Variants in C1QTNF6 observed in about 807,000 individuals in gnomAD.
The protein encoded by C1QTNF6 is C1q and TNF related 6, also known as complement C1q tumor necrosis factor-related protein 6.
In C1QTNF6, 17 loss-of-function variants were observed where a neutral mutation model predicts 20.7. That is an observed-to-expected ratio of 0.82 (90% CI 0.56 to 1.23). C1QTNF6 has a LOEUF of 1.23. C1QTNF6 is among the 50% of genes most tolerant of loss of function. C1QTNF6 has a pLI of 0.00. For missense variants in C1QTNF6, 329 were observed against 389.7 expected (o/e 0.84, Z 1.31); for synonymous variants, 130 against 156.3 (o/e 0.83, Z 1.25).
Position 37,188,247 on chromosome 22 carries a change from T to C in C1QTNF6, c.-34A>G, listed in dbSNP as rs200211481. The C allele has an allele frequency of 1.8e-4, 272 of 1,547,574 alleles. No individual in the cohort carries two copies. The highest frequency in any genetic ancestry group is 2.2e-4 in the Non-Finnish European group (256 of 1,143,350). ...GCTCCTTGGCCCATGTCTGCAATAC[T>C]AACTTGTTGCTGGCCCAGACCCCCA... On this transcript the variant is annotated 5_prime_UTR_variant, in exon 1 of 3. Transcript: ENST00000337843.
chr22:37,188,267 C>T, upstream of C1QTNF6: 1 of 1,454,472 alleles, frequency 6.9e-7, no homozygotes, highest in Non-Finnish European at 9.4e-7. Context: ...CTGGCCCAGA[C>T]CCCCAGGCCC....
Position 37,180,624 on chromosome 22 carries a change from C to T in C1QTNF6, c.*1564G>A, listed in dbSNP as rs1034584354. ...GGCTCTGAGACGAGGAGCTGCCCAC[C>T]CGGGCCTTAGCACCTTGATAAAGCC... On this transcript the variant is annotated 3_prime_UTR_variant, in exon 3 of 3. Transcript: ENST00000337843. 6.6e-6 allele frequency: 1 copy of T among 152,564 alleles called. No individual in the cohort carries two copies. Among genetic ancestry groups the T allele is most frequent in the South Asian group, 2.1e-4 (1 of 4,844 alleles). The allele number at this position is 152,564 out of a possible 1,614,324, so 9.5% of individuals were successfully genotyped here. A position where few individuals can be genotyped will look rare whatever the true frequency, so the allele number is the denominator to read the frequency against.
Position 37,181,143 on chromosome 22 carries a change from T to C in C1QTNF6, c.*1045A>G, listed in dbSNP as rs932128413. 3.9e-5 allele frequency: 6 copies of C among 152,344 alleles called. No individual in the cohort carries two copies. Among genetic ancestry groups the C allele is most frequent in the Non-Finnish European group, 7.3e-5 (5 of 68,156 alleles). The allele number at this position is 152,344 out of a possible 1,614,324, so 9.4% of individuals were successfully genotyped here. On this transcript the variant is annotated 3_prime_UTR_variant, in exon 3 of 3. Coordinates refer to ENST00000337843, the MANE Select transcript of C1QTNF6 (RefSeq NM_031910.4). ...CCAGAACACAGGCCCCCATGAGCTC[T>C]GGGTCTGCTTTAAAACCTATGTACA...
chr22:37,188,309 G>GAGAGAGGAGGGGATTGAGGT, upstream of C1QTNF6: 1 of 1,137,470 alleles, frequency 8.8e-7, no homozygotes, highest in Non-Finnish European at 1.2e-6. Flanking sequence ...GGGATGGAGG[G>GAGAGAGGAGGGGATTGAGGT]AGAGAGGGCG....
At chr22:37,183,646 G>T (rs61621367) in intron 2 of C1QTNF6, among the ~76,000 whole-genome samples, 126 of 152,244 alleles carry the variant, frequency 8.3e-4, no homozygotes, top group Non-Finnish European at 1.5e-3. Context: ...TTCCACAGGG[G>T]GGGAAGGGGA....
chr22:37,182,171 G>T lies in C1QTNF6; in HGVS notation c.*17C>A. The T allele has an allele frequency of 1.3e-6, 2 of 1,596,386 alleles. No homozygotes were observed. The highest frequency in any genetic ancestry group is 8.5e-7 in the Non-Finnish European group (1 of 1,169,854). On this transcript the variant is annotated 3_prime_UTR_variant, in exon 3 of 3. Transcript: ENST00000337843. The stretch of plus-strand genomic sequence containing the variant: ...CAGCACCTGAGCTCTCCAGCCGGGA[G>T]GGTGGCCCAGAGGCCCTCAGTCGTC...
At chr22:37,186,463 G>T (rs1181963914) in intron 1 of C1QTNF6, among the ~76,000 whole-genome samples, 1 of 152,230 alleles carries the variant, frequency 6.6e-6, no homozygotes, top group Non-Finnish European at 1.5e-5. Context: ...CTGCCAATCA[G>T]ATGCCAAGGT....
chr22:37,190,491 T>G (rs542142900), upstream of C1QTNF6: 16 of 152,296 alleles, frequency 1.1e-4, 1 homozygote, highest in South Asian at 3.3e-3. Flanking sequence ...AAAGTTACAT[T>G]CTTTACTTAC....
intron 1 of C1QTNF6, 39 bp from the exon 2 acceptor site, chr22:37,185,494 C>A: frequency 6.5e-7 from 1 of 1,543,558 alleles, no homozygotes; most frequent in East Asian, 2.3e-5. Flanking sequence ...ATACTTCACT[C>A]AACATCTACT....
rs748662192 is a variant in C1QTNF6, at chr22:37,182,529, C to T, written c.496G>A (p.Glu166Lys). Residue 166 changes from glutamate to lysine, a missense_variant, in exon 3 of 3, where the codon GAA becomes AAA. Coordinates refer to ENST00000337843, the MANE Select transcript of C1QTNF6 (RefSeq NM_031910.4). Reference sequence around the variant, plus strand: ...CCATCAAGGTTCACAAAGACCCTTTCGAAGAGCAGCGTCTGGAAGTCCTCG... The same window carrying T: ...CCATCAAGGTTCACAAAGACCCTTTTGAAGAGCAGCGTCTGGAAGTCCTCG... The part of the protein sequence containing the change: ...SGEDFQTLLF[E>K]RVFVNLDGCF... 7 of 1,614,256 alleles carry T rather than the reference C, an allele frequency of 4.3e-6. No individual in the cohort carries two copies. The highest frequency in any genetic ancestry group is 5.9e-6 in the Non-Finnish European group (7 of 1,180,048).
chr22:37,194,557 G>A (rs1198829117), intron 2 of C1QTNF6, among the ~76,000 whole-genome samples: 1 of 152,110 alleles, frequency 6.6e-6, no homozygotes, highest in Non-Finnish European at 1.5e-5. Flanking sequence ...CCATTGCTAT[G>A]GGGGCCAAGA....
At chr22:37,190,260 A>G (rs548483015), upstream of C1QTNF6, among the ~76,000 whole-genome samples, 1 of 152,376 alleles carries the variant, frequency 6.6e-6, no homozygotes, top group African/African-American at 2.4e-5. Flanking sequence ...TAGTCTTATT[A>G]TACTTGGCTT....
upstream of C1QTNF6, chr22:37,188,271 C>T (rs1330976312): frequency 5.5e-6 from 8 of 1,445,310 alleles, no homozygotes; most frequent in East Asian, 1.3e-4. Flanking sequence ...CCCAGACCCC[C>T]AGGCCCAGCA....
At chr22:37,188,298 G>A, upstream of C1QTNF6, 1 of 1,340,744 alleles carries the variant, frequency 7.5e-7, no homozygotes. Context: ...GGAGAGAGGA[G>A]GGGATGGAGG....
At chr22:37,188,297 A>G (rs1601634140), upstream of C1QTNF6, 4 of 873,984 alleles carry the variant, frequency 4.6e-6, no homozygotes, top group South Asian at 1.7e-5. Flanking sequence ...GGGAGAGAGG[A>G]GGGGATGGAG....
chr22:37,185,955 A>T (rs1451050335), intron 1 of C1QTNF6: 1 of 985,746 alleles, frequency 1.0e-6, no homozygotes, highest in African/African-American at 1.7e-5. Context: ...GTTAGTGAAC[A>T]CTGGGGACAA....
chr22:37,190,659 C>A (rs1456009554), upstream of C1QTNF6: 3 of 150,558 alleles, frequency 2.0e-5, no homozygotes, highest in Admixed American at 2.0e-4. Context: ...GTTAAATAAC[C>A]AGTTTCTCCA....
intron 1 of C1QTNF6, 88 bp from the exon 2 acceptor site, chr22:37,185,543 C>T: frequency 6.9e-7 from 1 of 1,439,528 alleles, no homozygotes; most frequent in South Asian, 1.5e-5. Context: ...CTGCGTCCTC[C>T]AGCCACAGCA....
intron 2 of C1QTNF6, 135 bp downstream of exon 2, chr22:37,185,083 C>G (rs1344708833): frequency 1.4e-6 from 2 of 1,421,596 alleles, no homozygotes; most frequent in African/African-American, 2.9e-5. Context: ...TTGGAACAGA[C>G]CAGGCTCACA....
Sources: gnomAD v4.1 joint callset for allele counts (sites outside exome capture counted in the v4.1 genomes callset) on GRCh38, gnomAD v4.1.1 for gene constraint, MANE v1.5 for transcripts, NCBI Gene and HGNC (gene_info 2026-07-23, HGNC 2026-07-21) for gene names.